Variants in PGAP4 observed in about 807,000 individuals in gnomAD.
PGAP4 encodes the protein GPI-N-acetylgalactosamine transferase PGAP4.
In PGAP4, 12 loss-of-function variants were observed where a neutral mutation model predicts 28.2. The observed-to-expected ratio is 0.42, with a 90% CI of 0.27 to 0.69. PGAP4 has a LOEUF of 0.69. Ranked by LOEUF, PGAP4 falls within the 30% of genes least tolerant of loss-of-function variation. The pLI is 0.22. For synonymous variants in PGAP4, 205 were observed against 211.8 expected, an observed-to-expected ratio of 0.97 and a Z score of 0.28; for missense variants, 425 against 513.5, an observed-to-expected ratio of 0.83 and a Z score of 1.67.
At chr9:101,493,888 A>C (rs905283706) in intron 2 of PGAP4, among the ~76,000 whole-genome samples, 10 of 152,080 alleles carry the variant, frequency 6.6e-5, no homozygotes, top group Non-Finnish European at 1.0e-4. Context: ...GGAGATTAGG[A>C]GAATGTAGGA....
chr9:101,490,509 G>T (rs936059663), upstream of PGAP4, among the ~76,000 whole-genome samples: 2 of 152,184 alleles, frequency 1.3e-5, no homozygotes, highest in Admixed American at 1.3e-4. Flanking sequence ...GATCCTACAA[G>T]ATTTAGGTTC....
chr9:101,530,820 T>G (rs572754733), intron 2 of PGAP4, among the ~76,000 whole-genome samples: 1 of 152,352 alleles, frequency 6.6e-6, no homozygotes, highest in Non-Finnish European at 1.5e-5. Flanking sequence ...TATGTGTCAA[T>G]TTCGCTGGGC....
intron 2 of PGAP4, among the ~76,000 whole-genome samples, chr9:101,508,550 C>T (rs1011180641): frequency 6.6e-6 from 1 of 152,058 alleles, no homozygotes; most frequent in African/African-American, 2.4e-5. Flanking sequence ...ATTACTCCAC[C>T]CTGTGAGGTC....
intron 2 of PGAP4, among the ~76,000 whole-genome samples, chr9:101,522,559 G>C (rs1025050874): frequency 1.3e-5 from 2 of 152,068 alleles, no homozygotes; most frequent in African/African-American, 4.8e-5. Context: ...CTTTCCATTT[G>C]CAAGAAATGC....
upstream of PGAP4, among the ~76,000 whole-genome samples, chr9:101,487,655 G>A (rs886085178): frequency 6.6e-6 from 1 of 152,100 alleles, no homozygotes; most frequent in African/African-American, 2.4e-5. Context: ...ACAATTGTAC[G>A]GCCTTACTCA....
intron 2 of PGAP4, among the ~76,000 whole-genome samples, chr9:101,525,127 C>G (rs575155619): frequency 1.3e-5 from 2 of 152,248 alleles, no homozygotes; most frequent in East Asian, 3.9e-4. Flanking sequence ...GGGTAGATTC[C>G]CAGTAATGGG....
In PGAP4 at chr9:101,474,270, C is replaced by A. The variant is rs1826234956; in HGVS notation, c.*1611G>T. The A allele has an allele frequency of 6.6e-6, 1 of 152,196 alleles. No individual in the cohort carries two copies. The highest frequency in any genetic ancestry group is 1.9e-4 in the East Asian group (1 of 5,172). 9.4% of individuals were successfully genotyped at this position (152,196 alleles called of 1,614,324 possible). ...CGTGGGTGATCAACCTTTATGTAATCCTTCTGTGTTGAGTGGGTCTCAAGA... is the reference window on the plus strand; with the variant it reads ...CGTGGGTGATCAACCTTTATGTAATACTTCTGTGTTGAGTGGGTCTCAAGA... On this transcript the variant is annotated 3_prime_UTR_variant, in exon 2 of 2. Transcript: ENST00000374848.
intron 1 of PGAP4, chr9:101,481,612 C>T (rs1310438535): frequency 1.3e-5 from 2 of 152,168 alleles, no homozygotes; most frequent in Non-Finnish European, 2.9e-5. Flanking sequence ...AGGACACAGA[C>T]TCTGAGAAAT....
At position 101,523,619 on chromosome 9, in the gene PGAP4, C is replaced by CATTTTTTTTTTTTTTTTTTTTTTTT. The variant is rs1245170432; in HGVS notation, c.-165+7728_-165+7729insAAAAAAAAAAAAAAAAAAAAAAAAT. 2.9e-4 allele frequency among the ~76,000 whole-genome samples: 17 copies of CATTTTTTTTTTTTTTTTTTTTTTTT among 59,354 alleles called. 1 individual carries two copies. The highest frequency in any genetic ancestry group is 0.017 in the Middle Eastern group (1 of 60). The allele number at this position is 59,354 out of a possible 152,430, so 38.9% of individuals were successfully genotyped here. On this transcript the variant is annotated intron_variant, in intron 2 of 3. Coordinates refer to the PGAP4 transcript ENST00000374851. The stretch of plus-strand genomic sequence containing the variant: ...ACATTTCTCCCCTCACTTCTTGTAT[C>CATTTTTTTTTTTTTTTTTTTTTTTT]TTTTTTTTTTTTTTTTTTTTTTTTT...
intron 1 of PGAP4, chr9:101,481,253 A>AG: frequency 6.6e-6 from 1 of 152,388 alleles, no homozygotes; most frequent in East Asian, 1.9e-4. Context: ...ATAAAAACAT[A>AG]GGATTTTTCA....
intron 2 of PGAP4, chr9:101,501,858 T>A (rs1296935885): frequency 2.1e-6 from 1 of 469,984 alleles, no homozygotes; most frequent in Non-Finnish European, 4.2e-6. Context: ...CAAGTTCAGA[T>A]CCTCTGACTG....
intron 1 of PGAP4, chr9:101,480,017 C>T (rs1049586676): frequency 1.3e-4 from 20 of 151,692 alleles, no homozygotes; most frequent in African/African-American, 4.9e-4. Context: ...ACTCCTCCCA[C>T]AGAGCAGAAG....
At chr9:101,479,242 C>T (rs1473967900) in intron 1 of PGAP4, among the ~76,000 whole-genome samples, 1 of 152,264 alleles carries the variant, frequency 6.6e-6, no homozygotes, top group African/African-American at 2.4e-5. Flanking sequence ...ACCACTTCCA[C>T]ATCACTGCTG....
At chr9:101,494,059 G>A (rs1473381477) in intron 2 of PGAP4, among the ~76,000 whole-genome samples, 2 of 151,872 alleles carry the variant, frequency 1.3e-5, no homozygotes, top group Non-Finnish European at 2.9e-5. Flanking sequence ...TTTGAGGCTT[G>A]GAAGCCAAAC....
intron 2 of PGAP4, among the ~76,000 whole-genome samples, chr9:101,524,702 G>A (rs1201194965): frequency 6.6e-6 from 1 of 152,170 alleles, no homozygotes. Flanking sequence ...CTCAGCTCCA[G>A]GTAAAGTCAA....
intron 2 of PGAP4, among the ~76,000 whole-genome samples, chr9:101,524,497 T>C (rs1827016434): frequency 6.6e-6 from 1 of 152,188 alleles, no homozygotes; most frequent in Non-Finnish European, 1.5e-5. Flanking sequence ...ACGAGGCTTC[T>C]CACCCCATTC....
chr9:101,519,656 CATAT>C (rs915209870), intron 2 of PGAP4, among the ~76,000 whole-genome samples: 2 of 149,314 alleles, frequency 1.3e-5, no homozygotes, highest in Non-Finnish European at 3.0e-5. Flanking sequence ...TATATACATA[CATAT>C]ATATATACAC....
chr9:101,502,172 G>T (rs1324652273), intron 2 of PGAP4, among the ~76,000 whole-genome samples: 1 of 152,046 alleles, frequency 6.6e-6, no homozygotes, highest in Non-Finnish European at 1.5e-5. Flanking sequence ...TGTTTTGGAG[G>T]CATCTTCCTC....
intron 2 of PGAP4, among the ~76,000 whole-genome samples, chr9:101,517,356 G>T (rs138319535): frequency 7.4e-4 from 112 of 152,070 alleles, no homozygotes; most frequent in African/African-American, 2.6e-3. Context: ...TGAGACCAAA[G>T]AAAAATGGAA....
Sources: allele counts gnomAD v4.1 joint callset (sites outside exome capture counted in the v4.1 genomes callset), GRCh38; gene constraint gnomAD v4.1.1; transcripts MANE v1.5; gene names NCBI Gene and HGNC (gene_info 2026-07-23, HGNC 2026-07-21).